ZDHHC6: variants seen among roughly 807,000 people sequenced by gnomAD.
ZDHHC6 encodes the protein zDHHC palmitoyltransferase 6.
Under a neutral mutation model 57.8 loss-of-function variants are expected in ZDHHC6, and 32 were observed. The ratio of observed to expected loss-of-function variants is 0.55; its 90% CI spans 0.42 to 0.74. The LOEUF (loss-of-function observed/expected upper bound fraction) is 0.74, where lower values mean the gene tolerates loss of function less well. Among genes scored for constraint, ZDHHC6 ranks in the 30% least tolerant of loss-of-function variants. ZDHHC6 has a pLI of 0.00. For missense variants in ZDHHC6, 433 were observed against 500.7 expected (o/e 0.86, Z 1.29); for synonymous variants, 128 against 158.0 (o/e 0.81, Z 1.42).
intron 6 of ZDHHC6, among the ~76,000 whole-genome samples, chr10:112,434,798 T>A (rs924829615): frequency 6.6e-6 from 1 of 152,182 alleles, no homozygotes; most frequent in Non-Finnish European, 1.5e-5. Context: ...TACAAAACAA[T>A]TCAGGTATAT....
At chr10:112,425,628 A>G (rs910653926), downstream of ZDHHC6, 4 of 723,266 alleles carry the variant, frequency 5.5e-6, no homozygotes, top group Non-Finnish European at 8.1e-6. Flanking sequence ...TTACATTCCA[A>G]ACCTCAAATA....
chr10:112,428,417 A>G (rs1465243905), downstream of ZDHHC6: 17 of 398,522 alleles, frequency 4.3e-5, no homozygotes, highest in Non-Finnish European at 7.5e-5. Flanking sequence ...CCATGATGAA[A>G]ATCAGTCTTA....
At chr10:112,425,544 A>C (rs1292085122), downstream of ZDHHC6, 1 of 1,373,118 alleles carries the variant, frequency 7.3e-7, no homozygotes, top group Non-Finnish European at 9.7e-7. Context: ...TTGTAGCTAC[A>C]GGAAATTTGT....
At chr10:112,436,036 G>A (rs1049753513) in intron 6 of ZDHHC6, among the ~76,000 whole-genome samples, 4 of 152,142 alleles carry the variant, frequency 2.6e-5, no homozygotes, top group Admixed American at 6.5e-5. Context: ...CAAGAAATCA[G>A]GCAAAAAGAG....
At chr10:112,428,759 A>T (rs1844835497), downstream of ZDHHC6, among the ~76,000 whole-genome samples, 3 of 135,270 alleles carry the variant, frequency 2.2e-5, no homozygotes, top group South Asian at 8.2e-4. Context: ...TGAAAGTGTG[A>T]GACTCTGTCT....
At position 112,434,573 on chromosome 10, in the gene ZDHHC6, T is replaced by A; in HGVS notation, c.736-109A>T. On this transcript the variant is annotated intron_variant, in intron 6 of 10. Transcript: ENST00000369405. ...AAGTTTCTAACATTCATAAAAATAC[T>A]TCCTCCTTGCTGTAATATTAGTGTA... The A allele has an allele frequency of 2.6e-6, 3 of 1,136,136 alleles. No homozygotes were observed. The South Asian group carries it at 5.3e-5, about 20-fold the overall frequency. 70.4% of individuals were successfully genotyped at this position (1,136,136 alleles called of 1,614,324 possible). A position where few individuals can be genotyped will look rare whatever the true frequency, so the allele number is the denominator to read the frequency against.
At chr10:112,436,000 C>T (rs1351585438) in intron 6 of ZDHHC6, among the ~76,000 whole-genome samples, 2 of 152,090 alleles carry the variant, frequency 1.3e-5, no homozygotes, top group Non-Finnish European at 2.9e-5. Context: ...TTGGGAGAAA[C>T]AATACCTTAA....
chr10:112,425,487 A>G (rs1589703785), downstream of ZDHHC6: 2 of 1,598,388 alleles, frequency 1.3e-6, no homozygotes, highest in Non-Finnish European at 8.5e-7. Context: ...TACGGGTAAT[A>G]TATCATTTTA....
chr10:112,433,453 T>A (rs1416354802), intron 7 of ZDHHC6, 172 bp from the exon 8 acceptor site: 1 of 496,244 alleles, frequency 2.0e-6, no homozygotes, highest in Non-Finnish European at 3.5e-6. Context: ...AAAGGCCCTA[T>A]GCTAAGAACC....
chr10:112,432,554 A>G (rs758982453), intron 8 of ZDHHC6, 33 bp from the exon 9 acceptor site: 32 of 1,595,112 alleles, frequency 2.0e-5, no homozygotes, highest in Non-Finnish European at 8.5e-7. Context: ...ACCTTTAAAT[A>G]TTCACCCATG....
chr10:112,437,581 A>G (rs2133842497), intron 6 of ZDHHC6, among the ~76,000 whole-genome samples: 1 of 152,362 alleles, frequency 6.6e-6, no homozygotes, highest in Non-Finnish European at 1.5e-5. Flanking sequence ...ATATCTCAAC[A>G]GACTGAATGC....
At chr10:112,439,628 TAAAAAAAAAAAAAAAAAAAAAAAAAAAAA>T (rs869272293) in intron 5 of ZDHHC6, among the ~76,000 whole-genome samples, 1 of 31,298 alleles carries the variant, frequency 3.2e-5, no homozygotes, top group Non-Finnish European at 4.9e-5. Context: ...AGACTCCGTC[TAAAAAAAAAAAAAAAAAAAAAAAAAAAAA>T]AAAAAAAAAA....
chr10:112,437,060 G>C (rs1345337057), intron 6 of ZDHHC6, among the ~76,000 whole-genome samples: 2 of 151,976 alleles, frequency 1.3e-5, no homozygotes, highest in Non-Finnish European at 2.9e-5. Flanking sequence ...AAAACGAACA[G>C]TCAGGCAGTC....
intron 2 of ZDHHC6, among the ~76,000 whole-genome samples, chr10:112,444,681 A>G (rs1360017542): frequency 6.6e-6 from 1 of 152,238 alleles, no homozygotes; most frequent in East Asian, 1.9e-4. Flanking sequence ...TCATAAGCAT[A>G]AATTTCCCAG....
rs763165782 is a variant in ZDHHC6 at position 112,434,308 on chromosome 10, A to AT, written c.891dup (p.Tyr298IlefsTer14). 1 of 1,611,420 alleles carries AT rather than the reference A, an allele frequency of 6.2e-7. No homozygotes were observed. The highest frequency in any genetic ancestry group is 8.5e-7 in the Non-Finnish European group (1 of 1,178,904). On this transcript the variant is annotated frameshift_variant, in exon 7 of 11. Coordinates refer to ENST00000369405, the MANE Select transcript of ZDHHC6 (RefSeq NM_022494.3). LOFTEE classifies it high-confidence loss of function. ...ACAAAAATACTCACTGTTAAGCTGTATTGGTGACAGCCTTCTCTTACTGGC... is the reference window on the plus strand; with the variant it reads ...ACAAAAATACTCACTGTTAAGCTGTATTTGGTGACAGCCTTCTCTTACTGGC...
chr10:112,429,628 T>A, downstream of ZDHHC6, among the ~76,000 whole-genome samples: 1 of 152,224 alleles, frequency 6.6e-6, no homozygotes, highest in Non-Finnish European at 1.5e-5. Flanking sequence ...TCCACTGTTA[T>A]GTTTAGACAA....
In ZDHHC6 at chr10:112,445,396, T is replaced by C; in HGVS notation, c.41A>G (p.Gln14Arg). Residue 14 changes from glutamine to arginine, a missense_variant, in exon 2 of 11, where the codon CAA (glutamine) becomes CGA (arginine). By Grantham distance (43) the Gln-to-Arg change is conservative. Coordinates refer to ENST00000369405, the MANE Select transcript of ZDHHC6 (RefSeq NM_022494.3). ...CCAGTGACACAGTCTCTTTAATTCTTGTAGATTTTCAAACTTGATAACCGA... is the reference window on the plus strand; with the variant it reads ...CCAGTGACACAGTCTCTTTAATTCTCGTAGATTTTCAAACTTGATAACCGA... ...FCSVIKFENL[Q>R]ELKRLCHWGP... 1 of 1,614,190 alleles carries C rather than the reference T, an allele frequency of 6.2e-7. No homozygotes were observed. The highest frequency in any genetic ancestry group is 8.5e-7 in the Non-Finnish European group (1 of 1,180,010).
chr10:112,443,006 C>T (rs190527195), intron 3 of ZDHHC6, among the ~76,000 whole-genome samples: 43 of 152,292 alleles, frequency 2.8e-4, no homozygotes, highest in Admixed American at 8.5e-4. Flanking sequence ...AAAAAGGTCA[C>T]AGGTTATTTC....
chr10:112,432,785 T>C (rs555325579), intron 8 of ZDHHC6, among the ~76,000 whole-genome samples: 2 of 152,352 alleles, frequency 1.3e-5, no homozygotes, highest in Admixed American at 1.3e-4. Context: ...CATTCTGCCA[T>C]GATGGAAATG....
Sources: allele counts gnomAD v4.1 joint callset (sites outside exome capture counted in the v4.1 genomes callset), GRCh38; gene constraint gnomAD v4.1.1; transcripts MANE v1.5; gene names NCBI Gene and HGNC (gene_info 2026-07-23, HGNC 2026-07-21).